STK11: variants seen among roughly 807,000 people sequenced by gnomAD.
STK11 encodes the protein serine/threonine-protein kinase STK11.
STK11 carries 8 observed loss-of-function variants against 47.3 expected under a neutral mutation model. The observed-to-expected ratio is 0.17, with a 90% CI of 0.10 to 0.31. STK11 has a LOEUF of 0.31. Among genes scored for constraint, STK11 ranks in the 10% least tolerant of loss-of-function variants. The pLI is 1.00. For missense variants in STK11, 475 were observed against 605.0 expected (o/e 0.79, Z 2.25); for synonymous variants, 330 against 255.8 (o/e 1.29, Z -2.77).
chr19:1,222,486 C>T (rs1468164692), intron 7 of STK11, among the ~76,000 whole-genome samples: 2 of 152,220 alleles, frequency 1.3e-5, no homozygotes, highest in Non-Finnish European at 2.9e-5. Flanking sequence ...GGCCCTTGAG[C>T]CGTCTGCTGG....
At chr19:1,218,988 G>A (rs2080762573) in intron 2 of STK11, among the ~76,000 whole-genome samples, 1 of 152,206 alleles carries the variant, frequency 6.6e-6, no homozygotes, top group East Asian at 1.9e-4. Flanking sequence ...ACGCGGTCAG[G>A]GGCCCTGGGA....
chr19:1,218,291 A>G lies in STK11; in HGVS notation c.291-126A>G, dbSNP rs1054027562. The G allele has an allele frequency of 2.2e-5, 18 of 801,856 alleles. No homozygotes were observed. In the African/African-American group the frequency reaches 3.0e-4, roughly 14 times the overall value. 49.7% of individuals were successfully genotyped at this position (801,856 alleles called of 1,614,324 possible). On this transcript the variant is annotated intron_variant, in intron 1 of 9. Transcript: ENST00000326873. ...CTTTCCCACAGCACTGTGAACTCACAGCTTCTCTCTAGGGAAGGGAGGAGG... is the reference window on the plus strand; with the variant it reads ...CTTTCCCACAGCACTGTGAACTCACGGCTTCTCTCTAGGGAAGGGAGGAGG...
rs903030190 is a variant in STK11 at position 1,228,210 on chromosome 19, G to A, written c.*634G>A. On this transcript the variant is annotated 3_prime_UTR_variant, in exon 10 of 10. Transcript: ENST00000326873. ...GTCACCCTGCTTTGGCGGCCCGGCC[G>A]GAGGGCAGGACCCTCACCTCTCCCC... 8.6e-5 allele frequency: 79 copies of A among 921,308 alleles called. No individual in the cohort carries two copies. The highest frequency in any genetic ancestry group is 9.5e-5 in the Non-Finnish European group (71 of 747,862). The allele number at this position is 921,308 out of a possible 1,614,324, so 57.1% of individuals were successfully genotyped here.
At chr19:1,224,297 C>T in intron 8 of STK11, 1 of 985,412 alleles carries the variant, frequency 1.0e-6, no homozygotes, top group Non-Finnish European at 1.2e-6. Context: ...GTCTCAGCTC[C>T]TGGGCTCTTG....
chr19:1,226,549 A>C lies in STK11; in HGVS notation c.1204A>C (p.Thr402Pro). 1 of 1,603,260 alleles carries C rather than the reference A, an allele frequency of 6.2e-7. No individual in the cohort carries two copies. The highest frequency in any genetic ancestry group is 8.5e-7 in the Non-Finnish European group (1 of 1,176,146). ...MNGTEAAQLS[T>P]KSRAEGRAPN... ...CGGCACAGAGGCGGCGCAGCTGAGCACCAAATCCAGGGCGGAGGGCCGGGC... is the reference window on the plus strand; with the variant it reads ...CGGCACAGAGGCGGCGCAGCTGAGCCCCAAATCCAGGGCGGAGGGCCGGGC... The change falls in exon 9 of 10, where the codon ACC becomes CCC. Residue 402 changes from threonine to proline, a missense_variant. By Grantham distance (38) the Thr-to-Pro change is conservative. Around this residue, in one of 5 missense-constraint regions of STK11, gnomAD observed 219 missense variants for 189.2 expected, o/e 1.16. Coordinates refer to ENST00000326873, the MANE Select transcript of STK11 (RefSeq NM_000455.5).
intron 8 of STK11, chr19:1,224,260 CGT>C: frequency 2.0e-6 from 2 of 985,256 alleles, no homozygotes; most frequent in Non-Finnish European, 2.4e-6. Context: ...GAGGGTACAG[CGT>C]GTGTGGGGCC....
chr19:1,207,777 T>TCCCTGGCCCCCGGGGCTGGAAGCCCTG (rs2080678356), intron 1 of STK11, among the ~76,000 whole-genome samples: 1 of 152,204 alleles, frequency 6.6e-6, no homozygotes, highest in African/African-American at 2.4e-5. Flanking sequence ...GCTGGAAGCA[T>TCCCTGGCCCCCGGGGCTGGAAGCCCTG]CCCTGGCCCC....
chr19:1,222,954 G>C (rs1205248784), intron 7 of STK11, 31 bp from the exon 8 acceptor site: 2 of 1,518,880 alleles, frequency 1.3e-6, no homozygotes, highest in Admixed American at 4.0e-5. Flanking sequence ...GTGCCAGCCT[G>C]ACAGGCGCCA....
chr19:1,224,879 G>C, intron 8 of STK11: 1 of 985,668 alleles, frequency 1.0e-6, no homozygotes, highest in Non-Finnish European at 1.2e-6. Context: ...GCTGGGGACA[G>C]GCTCAACTTC....
At chr19:1,209,105 G>A (rs954844925) in intron 1 of STK11, among the ~76,000 whole-genome samples, 1 of 152,080 alleles carries the variant, frequency 6.6e-6, no homozygotes, top group Non-Finnish European at 1.5e-5. Flanking sequence ...TGTGGCCAGT[G>A]CCTTGAGTCA....
At chr19:1,224,798 C>T in intron 8 of STK11, 2 of 985,572 alleles carry the variant, frequency 2.0e-6, no homozygotes, top group Non-Finnish European at 2.4e-6. Context: ...GCCGCCAGAC[C>T]ACTCGGCATG....
intron 8 of STK11, 179 bp from the exon 9 acceptor site, chr19:1,226,275 T>G: frequency 7.0e-7 from 1 of 1,427,964 alleles, no homozygotes. Flanking sequence ...CCCCGGGGGG[T>G]GCCTCCCAGA....
chr19:1,221,583 TC>T, intron 6 of STK11: 2 of 628,988 alleles, frequency 3.2e-6, no homozygotes, highest in East Asian at 2.8e-5. Context: ...GCCCTGCGCC[TC>T]CCCCAGCCCC....
chr19:1,207,993 TC>T (rs1247060230), intron 1 of STK11, among the ~76,000 whole-genome samples: 1 of 152,190 alleles, frequency 6.6e-6, no homozygotes, highest in Non-Finnish European at 1.5e-5. Flanking sequence ...GCCGGGGGTG[TC>T]CCTGCCTTAT....
rs903142806 is a variant in STK11, at chr19:1,228,059, CT to C, written c.*494del. On this transcript the variant is annotated 3_prime_UTR_variant, in exon 10 of 10. Transcript: ENST00000326873. ...TTGGTTGGTTCCATTTTCTTTTTTT[CT>C]TTTTTTTTTTAAGAAAAAATAAAAG... 2,539 of 756,502 alleles carry C rather than the reference CT, an allele frequency of 3.4e-3. No homozygotes were observed. The highest frequency in any genetic ancestry group is 1.0e-2 in the East Asian group (133 of 13,348). The allele number at this position is 756,502 out of a possible 1,614,324, so 46.9% of individuals were successfully genotyped here. A position where few individuals can be genotyped will look rare whatever the true frequency, so the allele number is the denominator to read the frequency against.
intron 8 of STK11, chr19:1,226,020 C>T (rs369740408): frequency 2.0e-6 from 2 of 1,014,348 alleles, no homozygotes; most frequent in South Asian, 3.9e-5. Context: ...CTGGCCTGAG[C>T]CTGGCCCGAG....
intron 1 of STK11, among the ~76,000 whole-genome samples, chr19:1,215,305 A>G (rs2080737997): frequency 6.6e-6 from 1 of 152,240 alleles, no homozygotes; most frequent in African/African-American, 2.4e-5. Context: ...CACATAGCCC[A>G]GAGAGAACGG....
intron 1 of STK11, among the ~76,000 whole-genome samples, chr19:1,215,766 T>C (rs1159364558): frequency 6.6e-6 from 1 of 152,042 alleles, no homozygotes; most frequent in Non-Finnish European, 1.5e-5. Flanking sequence ...AGATGGAGTC[T>C]TGCTCTGTCA....
At chr19:1,224,956 G>A (rs1305587778) in intron 8 of STK11, 10 of 985,424 alleles carry the variant, frequency 1.0e-5, no homozygotes, top group Admixed American at 6.1e-5. Context: ...ACAGCCCGGC[G>A]CCCTCGGGTC....
Sources: gnomAD v4.1 joint callset for allele counts (sites outside exome capture counted in the v4.1 genomes callset) on GRCh38, gnomAD v4.1.1 for gene constraint, gnomAD v4.1.1 regional missense constraint, MANE v1.5 for transcripts, NCBI Gene and HGNC (gene_info 2026-07-23, HGNC 2026-07-21) for gene names.